PPP2R5C: variants seen among roughly 807,000 people sequenced by gnomAD.
The protein encoded by PPP2R5C is serine/threonine-protein phosphatase 2A 56 kDa regulatory subunit gamma isoform.
Under a neutral mutation model 68.9 loss-of-function variants are expected in PPP2R5C, and 7 were observed. That is an observed-to-expected ratio of 0.10 (90% CI 0.06 to 0.19). PPP2R5C has a LOEUF of 0.19. PPP2R5C is among the 10% of genes least tolerant of loss of function. The pLI is 1.00. For missense variants in PPP2R5C, 348 were observed against 641.3 expected (o/e 0.54, Z 4.94); for synonymous variants, 210 against 222.2 (o/e 0.95, Z 0.49).
chr14:101,797,674 A>T lies in PPP2R5C; in HGVS notation c.259+11491A>T. On this transcript the variant is annotated intron_variant, in intron 3 of 14. Transcript: ENST00000328724. The surrounding 1 kb of genome is among the most constrained non-coding windows in gnomAD (Gnocchi z 4.2). ...AAGGGTGTCGGCAAGTTGGCAAGTTAAAAAAAAAAACAATCAGCATGAAAG... is the reference window on the plus strand; with the variant it reads ...AAGGGTGTCGGCAAGTTGGCAAGTTTAAAAAAAAAACAATCAGCATGAAAG... 1 of 155,470 alleles carries T rather than the reference A, an allele frequency of 6.4e-6. No homozygotes were observed. The highest frequency in any genetic ancestry group is 1.4e-5 in the Non-Finnish European group (1 of 71,296). The allele number at this position is 155,470 out of a possible 1,614,324, so 9.6% of individuals were successfully genotyped here.
chr14:101,763,807 A>G (rs1297413857), intron 2 of PPP2R5C, among the ~76,000 whole-genome samples: 4 of 152,122 alleles, frequency 2.6e-5, no homozygotes, highest in Non-Finnish European at 1.5e-5. Flanking sequence ...CCCCACCGCC[A>G]CTTCCATTGC....
rs554051034 is a variant in PPP2R5C, at chr14:101,917,909, C to T, written c.1405C>T (p.Gln469Ter). Reference sequence around the variant, plus strand: ...AGATGGGCCTTTATTTGAAGATGTGCAGATGCTGAGAAAGACAGTGAAGGA... The same window carrying T: ...AGATGGGCCTTTATTTGAAGATGTGTAGATGCTGAGAAAGACAGTGAAGGA... Residue 469 changes from glutamine to a stop codon, truncating the protein, a stop_gained, in exon 13 of 14, where the codon CAG (glutamine) becomes TAG (stop). Coordinates refer to ENST00000334743, the Ensembl canonical transcript of PPP2R5C. LOFTEE classifies it high-confidence loss of function. The surrounding 1 kb of genome is among the most constrained non-coding windows in gnomAD (Gnocchi z 4.4). 42 of 1,613,818 alleles carry T rather than the reference C, an allele frequency of 2.6e-5. No individual in the cohort carries two copies. In the South Asian group the frequency reaches 4.4e-4, roughly 17 times the overall value.
At chr14:101,870,306 C>A (rs1024399446) in intron 2 of PPP2R5C, among the ~76,000 whole-genome samples, 2 of 152,030 alleles carry the variant, frequency 1.3e-5, no homozygotes, top group Non-Finnish European at 2.9e-5. Context: ...GATTTTTCTC[C>A]TATATTTTCT....
chr14:101,802,070 T>C (rs911481468), intron 3 of PPP2R5C, among the ~76,000 whole-genome samples: 1 of 152,178 alleles, frequency 6.6e-6, no homozygotes, highest in Non-Finnish European at 1.5e-5. Flanking sequence ...GAAAACACAG[T>C]CTTTTCAACA....
At chr14:101,786,786 T>A (rs2038107852) in intron 3 of PPP2R5C, among the ~76,000 whole-genome samples, 1 of 152,218 alleles carries the variant, frequency 6.6e-6, no homozygotes, top group Admixed American at 6.5e-5. Context: ...GATTTTGAGA[T>A]TGAGGTGCTT....
At chr14:101,852,361 T>C (rs980597963) in intron 1 of PPP2R5C, among the ~76,000 whole-genome samples, 1 of 152,222 alleles carries the variant, frequency 6.6e-6, no homozygotes, top group Non-Finnish European at 1.5e-5. Flanking sequence ...AGGAGATCTT[T>C]GTTAAACATC....
At chr14:101,847,663 C>CTTT (rs3043777) in intron 1 of PPP2R5C, among the ~76,000 whole-genome samples, 15,701 of 128,096 alleles carry the variant, frequency 0.12, 1,150 homozygotes, top group African/African-American at 0.16. Flanking sequence ...TGGGGCTGCT[C>CTTT]TTTTTTTTTT....
chr14:101,843,898 GA>G, intron 1 of PPP2R5C: 1 of 169,856 alleles, frequency 5.9e-6, no homozygotes, highest in Non-Finnish European at 1.3e-5. Flanking sequence ...CACGGGCCCT[GA>G]ACCACACTTC....
chr14:101,883,566 A>G lies in PPP2R5C; in HGVS notation c.629+4A>G. The G allele has an allele frequency of 6.2e-7, 1 of 1,612,336 alleles. No homozygotes were observed. Among genetic ancestry groups the G allele is most frequent in the Admixed American group, 1.7e-5 (1 of 59,964 alleles). On this transcript the variant is annotated splice_donor_region_variant and intron_variant, in intron 5 of 13. Transcript: ENST00000334743. ...AGATAAATAATATATTTTATAGGTA[A>G]GTCACGTGTGGATGGCGTTGTCCTT... is the stretch of plus-strand genomic sequence containing the variant.
At chr14:101,823,828 C>A (rs918460020) in intron 1 of PPP2R5C, 2 of 1,190,030 alleles carry the variant, frequency 1.7e-6, no homozygotes, top group Non-Finnish European at 2.1e-6. Context: ...CTACACGGTA[C>A]TTTCTGCTCT....
intron 12 of PPP2R5C, chr14:101,912,715 C>A: frequency 1.3e-6 from 1 of 780,028 alleles, no homozygotes; most frequent in Non-Finnish European, 1.7e-6. Context: ...AGATCTGAAT[C>A]TTATGCATAT....
intron 2 of PPP2R5C, among the ~76,000 whole-genome samples, chr14:101,863,964 T>C (rs1466008267): frequency 6.6e-6 from 1 of 152,206 alleles, no homozygotes; most frequent in African/African-American, 2.4e-5. Flanking sequence ...GGGGGTGTGT[T>C]GCAGTGCTGT....
rs183748799 is a variant in PPP2R5C, at chr14:101,792,775, C to G, written c.259+6592C>G. ...TTTTTTGTTTGTTTTTGTTTTTTTA[C>G]ATAGCCTCATTTATTTTTGATTCCT... On this transcript the variant is annotated intron_variant, in intron 3 of 14. Transcript: ENST00000328724. 2.8e-4 allele frequency among the ~76,000 whole-genome samples: 43 copies of G among 151,992 alleles called. 2 individuals are homozygous for G. Among genetic ancestry groups the G allele is most frequent in the Admixed American group, 2.6e-3 (40 of 15,264 alleles).
intron 13 of PPP2R5C, chr14:101,921,135 T>C (rs1401350704): frequency 8.8e-6 from 2 of 226,546 alleles, no homozygotes; most frequent in Non-Finnish European, 1.8e-5. Flanking sequence ...TGGCACAATC[T>C]TGGCTCACTG....
chr14:101,891,235 T>C lies in PPP2R5C; in HGVS notation c.689+939T>C, dbSNP rs1052818272. ...GCAGTTCCGGGTTCTCAGGAGCCTG[T>C]GGTGGAGAAGTCTGGCACTCTGGAT... On this transcript the variant is annotated intron_variant, in intron 6 of 13. Coordinates refer to ENST00000334743, the Ensembl canonical transcript of PPP2R5C. This position sits in a 1 kb window ranked among gnomAD's most constrained non-coding sequence, Gnocchi z 4.9. Among the ~76,000 whole-genome samples, 5 of 152,028 alleles carry C rather than the reference T, an allele frequency of 3.3e-5. No individual in the cohort carries two copies. The highest frequency in any genetic ancestry group is 1.2e-4 in the African/African-American group (5 of 41,402).
At chr14:101,849,614 C>T (rs182520914) in intron 1 of PPP2R5C, among the ~76,000 whole-genome samples, 4 of 98,234 alleles carry the variant, frequency 4.1e-5, no homozygotes, top group Non-Finnish European at 9.4e-5. Flanking sequence ...CTATCCTGTG[C>T]CTTGCCTTTT....
At chr14:101,821,758 C>T (rs2040087252) in intron 1 of PPP2R5C, among the ~76,000 whole-genome samples, 1 of 151,874 alleles carries the variant, frequency 6.6e-6, no homozygotes, top group Admixed American at 6.6e-5. Context: ...TCAGACTAGG[C>T]ATCTAGGAGG....
intron 1 of PPP2R5C, chr14:101,824,343 G>A (rs567866840): frequency 1.5e-4 from 59 of 380,912 alleles, no homozygotes; most frequent in Middle Eastern, 1.0e-3. Flanking sequence ...ATTTGTCTAC[G>A]GGGAAACAGT....
chr14:101,927,184 ACT>A (rs1595577017), exon 14 of PPP2R5C: 1 of 151,748 alleles, frequency 6.6e-6, no homozygotes, highest in South Asian at 2.1e-4. Flanking sequence ...TTCTGGGAAG[ACT>A]CTCTTTTTGC....
Sources: allele counts gnomAD v4.1 joint callset (sites outside exome capture counted in the v4.1 genomes callset), GRCh38; gene constraint gnomAD v4.1.1; non-coding constraint Gnocchi (gnomAD v3.1); transcripts MANE v1.5; gene names NCBI Gene and HGNC (gene_info 2026-07-23, HGNC 2026-07-21).